The following DCC variants were observed in gnomAD, a reference collection of about 807,000 sequenced individuals.
DCC encodes netrin receptor DCC.
A neutral mutation model predicts 172.5 loss-of-function variants in DCC; 58 were observed. The observed-to-expected ratio is 0.34, with a 90% CI of 0.27 to 0.42. The LOEUF is 0.42. Among genes scored for constraint, DCC ranks in the 10% least tolerant of loss-of-function variants. The pLI is 1.00. For missense variants in DCC, 1,740 were observed against 1,791.0 expected, an observed-to-expected ratio of 0.97 and a Z score of 0.51; for synonymous variants, 709 against 644.5, an observed-to-expected ratio of 1.10 and a Z score of -1.52.
intron 27 of DCC, among the ~76,000 whole-genome samples, chr18:53,503,955 C>T (rs1479092755): frequency 6.6e-6 from 1 of 152,174 alleles, no homozygotes; most frequent in Non-Finnish European, 1.5e-5. Flanking sequence ...CATGACAAGT[C>T]CAAAACTCAC....
intron 2 of DCC, among the ~76,000 whole-genome samples, chr18:52,819,082 T>C (rs767314953): frequency 6.6e-6 from 1 of 152,206 alleles, no homozygotes; most frequent in Non-Finnish European, 1.5e-5. Context: ...TAGAGAAGTT[T>C]ACAGTCGTTT....
chr18:53,458,506 AC>A (rs1179122400), intron 23 of DCC, among the ~76,000 whole-genome samples: 3 of 152,244 alleles, frequency 2.0e-5, no homozygotes, highest in Admixed American at 2.0e-4. Flanking sequence ...CACACAGGGA[AC>A]ATTTAATCTC....
intron 7 of DCC, among the ~76,000 whole-genome samples, chr18:53,100,019 T>C (rs1320791804): frequency 7.0e-6 from 1 of 143,798 alleles, no homozygotes; most frequent in African/African-American, 2.6e-5. Flanking sequence ...CAATCTTAGC[T>C]CACTGCAACC....
At chr18:53,007,567 C>T (rs902466373) in intron 5 of DCC, among the ~76,000 whole-genome samples, 1 of 152,028 alleles carries the variant, frequency 6.6e-6, no homozygotes, top group Admixed American at 6.6e-5. Context: ...TGACAAGTTA[C>T]AGGCTTGAGA....
chr18:52,405,381 T>A (rs1315319634), intron 1 of DCC, among the ~76,000 whole-genome samples: 2 of 132,608 alleles, frequency 1.5e-5, no homozygotes, highest in Non-Finnish European at 3.5e-5. Flanking sequence ...GGTATCTCAT[T>A]GTGGTTTTGA....
intron 5 of DCC, among the ~76,000 whole-genome samples, chr18:53,020,981 CT>C (rs1304015065): frequency 6.6e-6 from 1 of 152,134 alleles, no homozygotes; most frequent in African/African-American, 2.4e-5. Context: ...CTGACAAGAC[CT>C]TTTACTAGAC....
At chr18:52,568,200 G>A (rs755322591) in intron 1 of DCC, among the ~76,000 whole-genome samples, 4 of 151,978 alleles carry the variant, frequency 2.6e-5, no homozygotes, top group African/African-American at 7.3e-5. Context: ...TGAGGCAGCC[G>A]TCCTATTCTT....
rs1230216499 is a variant in DCC, at chr18:53,020,466, CG to C, written c.986-42838del. Among the ~76,000 whole-genome samples the C allele has an allele frequency of 2.6e-5, 4 of 152,050 alleles. No individual in the cohort carries two copies. In the East Asian group the frequency reaches 7.7e-4, roughly 29 times the overall value. ...TCACTGTTCAAGTCTCTGAGTGTTT[CG>C]CTCAAAATTGAACCTGCACCAAAAG... On this transcript the variant is annotated intron_variant, in intron 5 of 28. Coordinates refer to ENST00000442544, the MANE Select transcript of DCC (RefSeq NM_005215.4).
chr18:53,054,068 T>C (rs1330360227), intron 5 of DCC, among the ~76,000 whole-genome samples: 1 of 152,130 alleles, frequency 6.6e-6, no homozygotes, highest in Non-Finnish European at 1.5e-5. Flanking sequence ...AAATTCCTGA[T>C]ATATAATGTT....
intron 5 of DCC, among the ~76,000 whole-genome samples, chr18:52,974,929 T>A (rs2041092967): frequency 6.6e-6 from 1 of 152,212 alleles, no homozygotes; most frequent in South Asian, 2.1e-4. Flanking sequence ...ATTACGGATA[T>A]GTTAAAAGTT....
At chr18:53,040,486 C>A (rs1299834459) in intron 5 of DCC, among the ~76,000 whole-genome samples, 1 of 151,944 alleles carries the variant, frequency 6.6e-6, no homozygotes, top group South Asian at 2.1e-4. Flanking sequence ...ATCAGAAGCT[C>A]TGGGTGTGAA....
chr18:53,153,348 G>C (rs1235809448), intron 7 of DCC, among the ~76,000 whole-genome samples: 1 of 152,068 alleles, frequency 6.6e-6, no homozygotes, highest in Non-Finnish European at 1.5e-5. Flanking sequence ...GGAGGGATTT[G>C]TTATTTTTTA....
chr18:53,194,894 C>T (rs1568358252), intron 9 of DCC, among the ~76,000 whole-genome samples: 1 of 152,210 alleles, frequency 6.6e-6, no homozygotes, highest in African/African-American at 2.4e-5. Context: ...TCTAACAATA[C>T]TGACAGTTAA....
intron 27 of DCC, among the ~76,000 whole-genome samples, chr18:53,508,409 T>G (rs1013461847): frequency 6.6e-6 from 1 of 150,548 alleles, no homozygotes; most frequent in African/African-American, 2.5e-5. Flanking sequence ...TCCAGGCTAG[T>G]CTCAAACTCC....
intron 12 of DCC, among the ~76,000 whole-genome samples, chr18:53,247,673 T>C (rs989693285): frequency 2.0e-5 from 3 of 152,044 alleles, no homozygotes; most frequent in Non-Finnish European, 4.4e-5. Flanking sequence ...TGTTAATTTT[T>C]AAAATTCTTA....
At chr18:53,032,256 G>A (rs1207167340) in intron 5 of DCC, among the ~76,000 whole-genome samples, 1 of 152,024 alleles carries the variant, frequency 6.6e-6, no homozygotes, top group East Asian at 1.9e-4. Flanking sequence ...TCTATATAAA[G>A]TCTTATTTGG....
chr18:52,610,151 TAAAAAAAAAAAAAA>T (rs1171109968), intron 1 of DCC, among the ~76,000 whole-genome samples: 702 of 18,774 alleles, frequency 0.037, 39 homozygotes, highest in South Asian at 0.081. Context: ...CCATCTCTCA[TAAAAAAAAAAAAAA>T]AAAAAAAAAA....
At position 52,377,355 on chromosome 18, in the gene DCC, C is replaced by T. The variant is rs118123029; in HGVS notation, c.91+36477C>T. On this transcript the variant is annotated intron_variant, in intron 1 of 28. Transcript: ENST00000442544. ...TGGTGACAAGTAAAGTGCACATCAG[C>T]TTGTTATCAGAGGAGTTTATTTACA... 4.6e-4 allele frequency among the ~76,000 whole-genome samples: 70 copies of T among 152,244 alleles called. No individual in the cohort carries two copies. The East Asian group carries it at 0.013, about 28-fold the overall frequency.
chr18:53,283,329 A>G (rs1466969361), intron 12 of DCC, among the ~76,000 whole-genome samples: 1 of 152,110 alleles, frequency 6.6e-6, no homozygotes, highest in South Asian at 2.1e-4. Flanking sequence ...ATTCTGTTCT[A>G]TTCCAGGAAA....
Sources: gnomAD v4.1 joint callset for allele counts (sites outside exome capture counted in the v4.1 genomes callset) on GRCh38, gnomAD v4.1.1 for gene constraint, MANE v1.5 for transcripts, NCBI Gene and HGNC (gene_info 2026-07-23, HGNC 2026-07-21) for gene names.